MGMT: variants seen among roughly 807,000 people sequenced by gnomAD.
The protein encoded by MGMT is methylated-DNA--protein-cysteine methyltransferase.
MGMT carries 14 observed loss-of-function variants against 15.9 expected under a neutral mutation model. The observed-to-expected ratio is 0.88, with a 90% confidence interval of 0.58 to 1.37. The LOEUF is 1.37. MGMT is among the 40% of genes most tolerant of loss of function. The pLI is 0.00. For missense variants in MGMT, 282 were observed against 268.1 expected (o/e 1.05, Z -0.36); for synonymous variants, 130 against 118.2 (o/e 1.10, Z -0.65).
intron 1 of MGMT, among the ~76,000 whole-genome samples, chr10:129,491,965 TTTA>T (rs1318827069): frequency 6.6e-6 from 1 of 152,150 alleles, no homozygotes; most frequent in Non-Finnish European, 1.5e-5. Context: ...TTCCCTTCTC[TTTA>T]TTATTATTAA....
chr10:129,744,317 C>T (rs1410851678), intron 3 of MGMT, among the ~76,000 whole-genome samples: 6 of 152,234 alleles, frequency 3.9e-5, no homozygotes. Context: ...GGCAGCTGTG[C>T]ACAAGCTGGC....
Position 129,735,364 on chromosome 10 carries a change from T to C in MGMT, c.275-23838T>C, listed in dbSNP as rs528159555. The stretch of plus-strand genomic sequence containing the variant: ...TATTTGTGTAGAGGTGTTTGTAGTA[T>C]TCTCTGATGGTAGTTTGTATTTCTG... On this transcript the variant is annotated intron_variant, in intron 3 of 4. Transcript: ENST00000651593. Among the ~76,000 whole-genome samples the C allele has an allele frequency of 7.4e-3, 1,126 of 152,298 alleles. 12 individuals are homozygous for C. Among genetic ancestry groups the C allele is most frequent in the African/African-American group, 0.027 (1,108 of 41,564 alleles).
intron 2 of MGMT, among the ~76,000 whole-genome samples, chr10:129,586,056 C>G (rs931619449): frequency 1.3e-5 from 2 of 152,046 alleles, no homozygotes; most frequent in African/African-American, 4.8e-5. Context: ...AGGGATGATT[C>G]GTGTCTCAGG....
chr10:129,747,963 G>GT (rs1420431149), intron 3 of MGMT, among the ~76,000 whole-genome samples: 9 of 152,292 alleles, frequency 5.9e-5, no homozygotes, highest in African/African-American at 2.2e-4. Flanking sequence ...TCCTGAGATC[G>GT]TATCAAGGAG....
intron 1 of MGMT, among the ~76,000 whole-genome samples, chr10:129,518,034 C>T (rs11814637): frequency 0.077 from 11,739 of 152,066 alleles, 741 homozygotes; most frequent in African/African-American, 0.16. Flanking sequence ...CAGTGGCAGG[C>T]ATCTCTGGGG....
At chr10:129,484,378 G>A (rs1012955755) in intron 1 of MGMT, among the ~76,000 whole-genome samples, 14 of 151,974 alleles carry the variant, frequency 9.2e-5, no homozygotes, top group Non-Finnish European at 2.1e-4. Context: ...TTTTCCTTCT[G>A]CTGCATCTAA....
chr10:129,494,122 A>C (rs1328803360), intron 1 of MGMT, among the ~76,000 whole-genome samples: 1 of 152,228 alleles, frequency 6.6e-6, no homozygotes, highest in African/African-American at 2.4e-5. Context: ...AAGATGTTTA[A>C]TATAGTGTTT....
intron 2 of MGMT, among the ~76,000 whole-genome samples, chr10:129,645,462 C>T (rs1847377445): frequency 6.6e-6 from 1 of 152,176 alleles, no homozygotes; most frequent in South Asian, 2.1e-4. Flanking sequence ...GCCTTGGGGC[C>T]TCATCCACGG....
At chr10:129,690,144 G>C (rs900131957) in intron 2 of MGMT, among the ~76,000 whole-genome samples, 5 of 152,170 alleles carry the variant, frequency 3.3e-5, no homozygotes, top group African/African-American at 1.2e-4. Context: ...ACACGCAGTA[G>C]AAGCCCAGTC....
intron 3 of MGMT, among the ~76,000 whole-genome samples, chr10:129,726,111 C>T (rs1848430851): frequency 6.6e-6 from 1 of 152,160 alleles, no homozygotes; most frequent in South Asian, 2.1e-4. Context: ...GTAGCTTCTG[C>T]TTGCTGAGTG....
At chr10:129,468,381 C>T (rs1845194599) in intron 1 of MGMT, among the ~76,000 whole-genome samples, 2 of 152,040 alleles carry the variant, frequency 1.3e-5, no homozygotes, top group Non-Finnish European at 2.9e-5. Flanking sequence ...CTCAGAGGGC[C>T]AGGATACTTG....
At chr10:129,691,815 G>T (rs1022196859) in intron 2 of MGMT, among the ~76,000 whole-genome samples, 1 of 152,148 alleles carries the variant, frequency 6.6e-6, no homozygotes, top group Non-Finnish European at 1.5e-5. Flanking sequence ...GAGGATTTGG[G>T]GTGTCCGTGC....
chr10:129,637,834 G>A (rs536247818), intron 2 of MGMT, among the ~76,000 whole-genome samples: 3 of 152,178 alleles, frequency 2.0e-5, no homozygotes, highest in Non-Finnish European at 2.9e-5. Context: ...GAAGAGAGGC[G>A]TCAGAGAAAA....
At chr10:129,702,768 G>A (rs1037428826) in intron 2 of MGMT, among the ~76,000 whole-genome samples, 2 of 152,336 alleles carry the variant, frequency 1.3e-5, no homozygotes, top group Admixed American at 1.3e-4. Context: ...CCACAGGGCC[G>A]GCATTTCAGT....
rs991529261 is a variant in MGMT, at chr10:129,759,283, C to A, written c.356C>A (p.Ala119Asp). Residue 119 changes from alanine (A) to aspartate (D), a missense_variant, in exon 4 of 5, where the codon GCC (alanine) becomes GAC (aspartate). Ala to Asp is a moderately radical substitution (Grantham distance 126). Coordinates refer to ENST00000651593, the MANE Select transcript of MGMT (RefSeq NM_002412.5). ...GTGATTTCTTACCAGCAATTAGCAG[C>A]CCTGGCAGGCAACCCCAAAGCCGCG... Reference protein sequence around the residue: ...GEVISYQQLAALAGNPKAARA... With the variant: ...GEVISYQQLADLAGNPKAARA... 6 of 1,614,058 alleles carry A rather than the reference C, an allele frequency of 3.7e-6. No individual in the cohort carries two copies. Among genetic ancestry groups the A allele is most frequent in the Non-Finnish European group, 5.1e-6 (6 of 1,180,056 alleles).
At chr10:129,499,818 G>A (rs142121704) in intron 1 of MGMT, among the ~76,000 whole-genome samples, 49 of 152,158 alleles carry the variant, frequency 3.2e-4, no homozygotes, top group African/African-American at 1.1e-3. Context: ...GCTTCATCAC[G>A]TTTTTACTCG....
At chr10:129,513,811 C>G (rs1845709580) in intron 1 of MGMT, among the ~76,000 whole-genome samples, 1 of 152,202 alleles carries the variant, frequency 6.6e-6, no homozygotes, top group South Asian at 2.1e-4. Context: ...CGGACAGAGG[C>G]TTCCAAACTC....
intron 3 of MGMT, among the ~76,000 whole-genome samples, chr10:129,719,739 C>G (rs1033589532): frequency 6.6e-6 from 1 of 152,098 alleles, no homozygotes; most frequent in Non-Finnish European, 1.5e-5. Context: ...GTTGAAATGC[C>G]GAGGGTCAGG....
At chr10:129,678,717 T>A (rs1406373636) in intron 2 of MGMT, among the ~76,000 whole-genome samples, 1 of 152,152 alleles carries the variant, frequency 6.6e-6, no homozygotes, top group Non-Finnish European at 1.5e-5. Context: ...CAGGATCCAC[T>A]ATGCTACGTG....
Sources: allele counts gnomAD v4.1 joint callset (sites outside exome capture counted in the v4.1 genomes callset), GRCh38; gene constraint gnomAD v4.1.1; transcripts MANE v1.5; gene names NCBI Gene and HGNC (gene_info 2026-07-23, HGNC 2026-07-21).